The following IP6K2 variants were observed in gnomAD, a reference collection of about 807,000 sequenced individuals.
IP6K2 encodes ATP:1D-myo-inositol-hexakisphosphate phosphotransferase.
Under a neutral mutation model 43.3 loss-of-function variants are expected in IP6K2, and 9 were observed. The observed-to-expected ratio is 0.21, with a 90% CI of 0.13 to 0.36. The LOEUF (loss-of-function observed/expected upper bound fraction) is 0.36. Ranked by LOEUF, IP6K2 falls within the 10% of genes least tolerant of loss-of-function variation. IP6K2 has a pLI of 1.00. For synonymous variants in IP6K2, 209 were observed against 202.4 expected, an observed-to-expected ratio of 1.03 and a Z score of -0.28; for missense variants, 332 against 538.4, an observed-to-expected ratio of 0.62 and a Z score of 3.79.
chr3:48,695,850 T>TA lies in IP6K2; in HGVS notation c.-130-430dup, dbSNP rs1447458621. On this transcript the variant is annotated intron_variant, in intron 1 of 5. Transcript: ENST00000328631. This position sits in a 1 kb window ranked among gnomAD's most constrained non-coding sequence, Gnocchi z 4.6. Reference sequence around the variant, plus strand: ...TATATATTATATATAATATATATTATATATATAAAATAAATATATATATAT... The same window carrying TA: ...TATATATTATATATAATATATATTATAATATATAAAATAAATATATATATAT... Among the ~76,000 whole-genome samples, 2 of 147,310 alleles carry TA rather than the reference T, an allele frequency of 1.4e-5. No homozygotes were observed. The highest frequency in any genetic ancestry group is 4.9e-5 in the African/African-American group (2 of 40,496).
chr3:48,698,271 C>T (rs554740202), intron 1 of IP6K2, among the ~76,000 whole-genome samples: 18 of 152,234 alleles, frequency 1.2e-4, no homozygotes, highest in Non-Finnish European at 2.4e-4. Flanking sequence ...CATGGTCCGC[C>T]GACCAGTACT....
intron 1 of IP6K2, among the ~76,000 whole-genome samples, chr3:48,703,573 C>T (rs930169025): frequency 4.0e-4 from 61 of 150,884 alleles, no homozygotes; most frequent in Non-Finnish European, 7.8e-4. Flanking sequence ...AAAAATTAGC[C>T]AGGCATGGTG....
intron 1 of IP6K2, chr3:48,715,238 G>C (rs1005722602): frequency 8.9e-6 from 13 of 1,461,620 alleles, no homozygotes; most frequent in Middle Eastern, 1.7e-4. Context: ...ATCCCACTAG[G>C]TGAAATAACT....
At chr3:48,712,143 T>G (rs138665960) in intron 1 of IP6K2, among the ~76,000 whole-genome samples, 2 of 151,504 alleles carry the variant, frequency 1.3e-5, no homozygotes, top group African/African-American at 4.8e-5. Context: ...CCTGTAATCC[T>G]GGCGCTTGTG....
chr3:48,714,847 C>CA (rs61218247), intron 1 of IP6K2, among the ~76,000 whole-genome samples: 80,102 of 100,024 alleles, frequency 0.8, 31,578 homozygotes, highest in East Asian at 0.98. Context: ...GACTCCGTCT[C>CA]AAAAAAAAAA....
rs2078224290 is a variant in IP6K2 at position 48,695,454 on chromosome 3, C to T, written c.-130-33G>A. 43 of 1,401,862 alleles carry T rather than the reference C, an allele frequency of 3.1e-5. No homozygotes were observed. Among genetic ancestry groups the T allele is most frequent in the Non-Finnish European group, 3.8e-5 (41 of 1,075,754 alleles). The allele number at this position is 1,401,862 out of a possible 1,614,324, so 86.8% of individuals were successfully genotyped here. On this transcript the variant is annotated intron_variant, in intron 1 of 5. Coordinates refer to ENST00000328631, the MANE Select transcript of IP6K2 (RefSeq NM_016291.4). This position sits in a 1 kb window ranked among gnomAD's most constrained non-coding sequence, Gnocchi z 4.6. ...CAAACAAAATGATGACATGGGGGTT[C>T]GAAGTAGCGTGGGAAGTGCCTTAGA...
In IP6K2 at chr3:48,692,814, C is replaced by A. The variant is rs146753502; in HGVS notation, c.428+140G>T. 18 of 682,324 alleles carry A rather than the reference C, an allele frequency of 2.6e-5. No individual in the cohort carries two copies. The African/African-American group carries it at 2.7e-4, about 10-fold the overall frequency. 42.3% of individuals were successfully genotyped at this position (682,324 alleles called of 1,614,324 possible). ...ATTAAACAAAGAGAGGCTGAGTATGCCATGTGGGAATTAGCCACTGAATGA... is the reference window on the plus strand; with the variant it reads ...ATTAAACAAAGAGAGGCTGAGTATGACATGTGGGAATTAGCCACTGAATGA... On this transcript the variant is annotated intron_variant, in intron 3 of 5. Transcript: ENST00000328631.
rs2078073226 is a variant in IP6K2, at chr3:48,694,348, T to C, written c.202+742A>G. 9.7e-6 allele frequency: 15 copies of C among 1,547,094 alleles called. No individual in the cohort carries two copies. The South Asian group carries it at 1.3e-4, about 14-fold the overall frequency. ...ACAGAGAAAGGCACCCAGTACATTC[T>C]GTCCTTAAAGACAATGTTTCAACAG... is the stretch of plus-strand genomic sequence containing the variant. On this transcript the variant is annotated intron_variant, in intron 2 of 5. Coordinates refer to ENST00000328631, the MANE Select transcript of IP6K2 (RefSeq NM_016291.4).
At position 48,704,476 on chromosome 3, in the gene IP6K2, C is replaced by CTT. The variant is rs36076263; in HGVS notation, c.-130-9057_-130-9056dup. On this transcript the variant is annotated intron_variant, in intron 1 of 5. Transcript: ENST00000328631. ...ACCAGGAGAAAATGCTTATGATACACTTTTTTTTTTTTTTGAGACAGGGTC... is the reference window on the plus strand; with the variant it reads ...ACCAGGAGAAAATGCTTATGATACACTTTTTTTTTTTTTTTTGAGACAGGGTC... Among the ~76,000 whole-genome samples the CTT allele has an allele frequency of 6.5e-3, 954 of 146,218 alleles. 13 individuals carry two copies. The highest frequency in any genetic ancestry group is 0.022 in the African/African-American group (899 of 40,022).
intron 1 of IP6K2, among the ~76,000 whole-genome samples, chr3:48,708,727 T>A (rs1379606312): frequency 1.3e-5 from 2 of 152,092 alleles, no homozygotes; most frequent in Non-Finnish European, 2.9e-5. Context: ...TCTCAATCTA[T>A]GAGGGATTTT....
intron 2 of IP6K2, chr3:48,694,136 C>T (rs1043995913): frequency 1.4e-5 from 21 of 1,529,050 alleles, no homozygotes; most frequent in East Asian, 2.5e-5. Context: ...GCAGAGGAGC[C>T]GGGGTGGGGT....
At chr3:48,712,016 T>C (rs1013374797) in intron 1 of IP6K2, among the ~76,000 whole-genome samples, 2 of 152,104 alleles carry the variant, frequency 1.3e-5, no homozygotes, top group Non-Finnish European at 1.5e-5. Flanking sequence ...TCTAAACAAA[T>C]GGGCATCAGA....
chr3:48,711,716 G>A lies in IP6K2; in HGVS notation c.-131+5441C>T, dbSNP rs557059838. ...TTAGGAAGATCATAATCTCAGCAAC[G>A]TGCAAAAAGATGGTTTAACAAGTTA... On this transcript the variant is annotated intron_variant, in intron 1 of 5. Transcript: ENST00000328631. 3.6e-3 allele frequency among the ~76,000 whole-genome samples: 546 copies of A among 152,284 alleles called. 4 individuals carry two copies. The highest frequency in any genetic ancestry group is 6.8e-3 in the Middle Eastern group (2 of 294).
chr3:48,700,629 G>T (rs1351102462), intron 1 of IP6K2, among the ~76,000 whole-genome samples: 1 of 152,152 alleles, frequency 6.6e-6, no homozygotes, highest in Non-Finnish European at 1.5e-5. Flanking sequence ...ATTGGTTTAA[G>T]GATCTGTTGG....
At chr3:48,693,236 A>T in intron 2 of IP6K2, 57 bp from the exon 3 acceptor site, 1 of 1,425,882 alleles carries the variant, frequency 7.0e-7, no homozygotes, top group African/African-American at 1.4e-5. Context: ...AAGCGTTGTA[A>T]GTAACATGAT....
At chr3:48,712,773 T>G (rs188909007) in intron 1 of IP6K2, among the ~76,000 whole-genome samples, 1 of 151,728 alleles carries the variant, frequency 6.6e-6, no homozygotes, top group East Asian at 2.0e-4. Flanking sequence ...TCCCAGCACT[T>G]TGGAAGGCCA....
At chr3:48,701,670 G>A (rs551257110) in intron 1 of IP6K2, among the ~76,000 whole-genome samples, 1 of 151,746 alleles carries the variant, frequency 6.6e-6, no homozygotes, top group East Asian at 1.9e-4. Context: ...GGCCGAGGCA[G>A]GTGATCACTT....
intron 2 of IP6K2, chr3:48,694,777 C>A: frequency 6.5e-7 from 1 of 1,532,658 alleles, no homozygotes; most frequent in Non-Finnish European, 8.7e-7. Context: ...AGTCTTCCCC[C>A]ACCGTCCCCC....
rs139637714 is a variant in IP6K2, at chr3:48,707,413, C to T, written c.-131+9744G>A. On this transcript the variant is annotated intron_variant, in intron 1 of 5. Coordinates refer to ENST00000328631, the MANE Select transcript of IP6K2 (RefSeq NM_016291.4). ...TATACAAGGTGCTAGAAGGTCAGAG[C>T]CCTCAATAGCATCTCATTCTGGTTT... Among the ~76,000 whole-genome samples the T allele has an allele frequency of 1.3e-5, 2 of 152,108 alleles. 1 individual carries two copies. The highest frequency in any genetic ancestry group is 2.9e-5 in the Non-Finnish European group (2 of 68,008).
Sources: gnomAD v4.1 joint callset for allele counts (sites outside exome capture counted in the v4.1 genomes callset) on GRCh38, gnomAD v4.1.1 for gene constraint, Gnocchi (gnomAD v3.1) non-coding constraint, MANE v1.5 for transcripts, NCBI Gene and HGNC (gene_info 2026-07-23, HGNC 2026-07-21) for gene names.